Variants in MDFI observed in about 807,000 individuals in gnomAD.
The protein encoded by MDFI is MyoD family inhibitor.
Under a neutral mutation model 22.3 loss-of-function variants are expected in MDFI, and 16 were observed. The observed-to-expected ratio is 0.72, with a 90% confidence interval of 0.49 to 1.09. The LOEUF (loss-of-function observed/expected upper bound fraction) is 1.09, where lower values mean the gene tolerates loss of function less well. Ranked by LOEUF, MDFI falls within the 50% of genes least tolerant of loss-of-function variation. The pLI, the probability that MDFI is intolerant of heterozygous loss-of-function variation, is 0.00. For synonymous variants in MDFI, 145 were observed against 142.7 expected (o/e 1.02, Z -0.12); for missense variants, 314 against 326.1 (o/e 0.96, Z 0.29).
rs1054141094 is a variant in MDFI at position 41,653,119 on chromosome 6, G to A, written c.485-200G>A. Among the ~76,000 whole-genome samples the A allele has an allele frequency of 1.3e-5, 2 of 152,174 alleles. No homozygotes were observed. Among genetic ancestry groups the A allele is most frequent in the Non-Finnish European group, 2.9e-5 (2 of 68,022 alleles). The stretch of plus-strand genomic sequence containing the variant: ...AAGGATGATCCAGACTGCCCGCTCC[G>A]ATGTGCTTAACTGTCTGTGCCTCGG... On this transcript the variant is annotated intron_variant, in intron 4 of 4. Coordinates refer to ENST00000230321, the MANE Select transcript of MDFI (RefSeq NM_005586.4). This position sits in a 1 kb window ranked among gnomAD's most constrained non-coding sequence, Gnocchi z 4.2.
chr6:41,651,392 G>A (rs1396799888), intron 4 of MDFI, among the ~76,000 whole-genome samples: 2 of 149,052 alleles, frequency 1.3e-5, no homozygotes, highest in Non-Finnish European at 3.0e-5. Flanking sequence ...AGGCTTGGAG[G>A]TGATGTCTGA....
chr6:41,640,643 A>G (rs1767819593), intron 2 of MDFI, among the ~76,000 whole-genome samples: 1 of 152,224 alleles, frequency 6.6e-6, no homozygotes, highest in Non-Finnish European at 1.5e-5. Context: ...CTGAGTGCTG[A>G]CAGAACAGCA....
chr6:41,653,381 G>A lies in MDFI; in HGVS notation c.547G>A (p.Val183Ile), dbSNP rs1768355264. 2 of 1,611,806 alleles carry A rather than the reference G, an allele frequency of 1.2e-6. No homozygotes were observed. Among genetic ancestry groups the A allele is most frequent in the Non-Finnish European group, 1.7e-6 (2 of 1,180,012 alleles). ...CGAGTTCCTGACGCTGTGCAACATC[G>A]TCCTGGACTGCGCCACCTGTGGCTC... ...FCEFLTLCNI[V>I]LDCATCGSCS... Residue 183 changes from valine (V) to isoleucine (I), a missense_variant, in exon 5 of 5, where the codon GTC becomes ATC. Coordinates refer to ENST00000230321, the MANE Select transcript of MDFI (RefSeq NM_005586.4). The surrounding 1 kb of genome is among the most constrained non-coding windows in gnomAD (Gnocchi z 4.2).
chr6:41,637,901 G>A (rs1171302245), upstream of MDFI, among the ~76,000 whole-genome samples: 1 of 152,206 alleles, frequency 6.6e-6, no homozygotes, highest in African/African-American at 2.4e-5. The surrounding 1 kb of genome is among the most constrained non-coding windows in gnomAD (Gnocchi z 6.8). Flanking sequence ...CACAGGGCAG[G>A]CTGGTTGGTC....
At position 41,638,821 on chromosome 6, in the gene MDFI, C is replaced by A; in HGVS notation, c.72C>A (p.Gly24=). ...APYGAPSAAP[G]PAQTLSLLPG... ...ATGGAGCCCCCAGCGCAGCCCCGGG[C>A]CCAGGTAGGACCGGGAGTGGCGAGC... Residue 24 remains glycine (G), a synonymous_variant, in exon 2 of 5, where the codon GGC becomes GGA. Coordinates refer to ENST00000230321, the MANE Select transcript of MDFI (RefSeq NM_005586.4). This position sits in a 1 kb window ranked among gnomAD's most constrained non-coding sequence, Gnocchi z 7.6. 6.4e-7 allele frequency: 1 copy of A among 1,556,416 alleles called. No individual in the cohort carries two copies.
At chr6:41,652,341 AG>A (rs1360672106) in intron 4 of MDFI, among the ~76,000 whole-genome samples, 1 of 152,220 alleles carries the variant, frequency 6.6e-6, no homozygotes, top group Non-Finnish European at 1.5e-5. Context: ...AAGAGGGCAC[AG>A]GGACCACACT....
intron 4 of MDFI, among the ~76,000 whole-genome samples, chr6:41,652,357 G>A (rs2746186): frequency 0.77 from 117,253 of 152,132 alleles, 45,476 homozygotes; most frequent in East Asian, 0.93. Flanking sequence ...CACACTACAG[G>A]GGGCCTCAGA....
chr6:41,639,480 G>A, intron 2 of MDFI: 3 of 985,434 alleles, frequency 3.0e-6, no homozygotes, highest in Non-Finnish European at 3.6e-6. Flanking sequence ...ATTCCTGGGG[G>A]AGCCTCTCAC....
At chr6:41,643,979 G>A (rs1472743688) in intron 2 of MDFI, among the ~76,000 whole-genome samples, 3 of 152,090 alleles carry the variant, frequency 2.0e-5, no homozygotes, top group Non-Finnish European at 2.9e-5. Flanking sequence ...ATAGCAAGGT[G>A]CCTCTGGGGG....
At chr6:41,642,247 G>A (rs1767877777) in intron 2 of MDFI, among the ~76,000 whole-genome samples, 1 of 152,120 alleles carries the variant, frequency 6.6e-6, no homozygotes, top group Non-Finnish European at 1.5e-5. Context: ...TACTAGGAGG[G>A]CAAGGACTTC....
chr6:41,648,193 C>T (rs1228711678), intron 3 of MDFI, among the ~76,000 whole-genome samples: 1 of 152,136 alleles, frequency 6.6e-6, no homozygotes, highest in African/African-American at 2.4e-5. Context: ...TGCCCCCATG[C>T]TGGCCTCTGC....
intron 2 of MDFI, chr6:41,639,482 G>T (rs1767769734): frequency 1.0e-6 from 1 of 985,314 alleles, no homozygotes; most frequent in Admixed American, 6.1e-5. Flanking sequence ...TCCTGGGGGA[G>T]CCTCTCACGC....
In MDFI at chr6:41,638,706, C is replaced by A; in HGVS notation, c.-11-33C>A. The A allele has an allele frequency of 6.5e-7, 1 of 1,539,116 alleles. No homozygotes were observed. Among genetic ancestry groups the A allele is most frequent in the South Asian group, 1.2e-5 (1 of 84,008 alleles). On this transcript the variant is annotated intron_variant, in intron 1 of 4. Transcript: ENST00000230321. The surrounding 1 kb of genome is among the most constrained non-coding windows in gnomAD (Gnocchi z 7.6). ...CGGGGGAATCGCCCCTTGCCCGCCT[C>A]CGGCGCCGCCCGCTGAGCCCTGTTT... is the stretch of plus-strand genomic sequence containing the variant.
At chr6:41,645,895 G>A (rs72863072) in intron 2 of MDFI, among the ~76,000 whole-genome samples, 2,665 of 152,170 alleles carry the variant, frequency 0.018, 41 homozygotes, top group Non-Finnish European at 0.028. Flanking sequence ...ACATGCACAC[G>A]TGCACACACT....
In MDFI at chr6:41,638,600, G is replaced by A. The variant is rs1767719370; in HGVS notation, c.-64G>A. 1 of 933,022 alleles carries A rather than the reference G, an allele frequency of 1.1e-6. No homozygotes were observed. Among genetic ancestry groups the A allele is most frequent in the Non-Finnish European group, 1.5e-6 (1 of 649,734 alleles). The allele number at this position is 933,022 out of a possible 1,614,324, so 57.8% of individuals were successfully genotyped here. On this transcript the variant is annotated 5_prime_UTR_variant, in exon 1 of 5. Transcript: ENST00000230321. This position sits in a 1 kb window ranked among gnomAD's most constrained non-coding sequence, Gnocchi z 7.6. ...GGGGCGCCCGGAGCAGGCGCGCATG[G>A]CGGGCCCCGCGCGGGGATCCGGCTG...
chr6:41,653,173 G>A lies in MDFI; in HGVS notation c.485-146G>A, dbSNP rs1246724235. 1 of 795,504 alleles carries A rather than the reference G, an allele frequency of 1.3e-6. No homozygotes were observed. Among genetic ancestry groups the A allele is most frequent in the Non-Finnish European group, 2.0e-6 (1 of 488,804 alleles). 49.3% of individuals were successfully genotyped at this position (795,504 alleles called of 1,614,324 possible). ...CATCACCTAGAAAATGGAGCTGTGG[G>A]GACGGATTCGTGAGCTTCAGGCACA... On this transcript the variant is annotated intron_variant, in intron 4 of 4. Coordinates refer to ENST00000230321, the MANE Select transcript of MDFI (RefSeq NM_005586.4). This position sits in a 1 kb window ranked among gnomAD's most constrained non-coding sequence, Gnocchi z 4.2.
At position 41,646,247 on chromosome 6, in the gene MDFI, C is replaced by T. The variant is rs749354077; in HGVS notation, c.198C>T (p.Gly66=). ...EAATPMPQGN[G]PGIPQGLDST... The stretch of plus-strand genomic sequence containing the variant: ...CAACCCCCATGCCCCAAGGCAATGG[C>T]CCTGGCATCCCCCAGGGCCTGGACA... Residue 66 remains glycine (G), a synonymous_variant, in exon 3 of 5, where the codon GGC becomes GGT. Coordinates refer to ENST00000230321, the MANE Select transcript of MDFI (RefSeq NM_005586.4). 3.2e-6 allele frequency: 5 copies of T among 1,577,266 alleles called. No individual in the cohort carries two copies. In the African/African-American group the frequency reaches 5.5e-5, roughly 17 times the overall value.
chr6:41,652,536 T>C (rs1768308872), intron 4 of MDFI, among the ~76,000 whole-genome samples: 1 of 151,402 alleles, frequency 6.6e-6, no homozygotes, highest in South Asian at 2.1e-4. Flanking sequence ...GTAAGCAGGC[T>C]GTCGAAGGTG....
chr6:41,653,183 G>A lies in MDFI; in HGVS notation c.485-136G>A, dbSNP rs562323656. ...AAAATGGAGCTGTGGGGACGGATTCGTGAGCTTCAGGCACACAGTGAACAC... is the reference window on the plus strand; with the variant it reads ...AAAATGGAGCTGTGGGGACGGATTCATGAGCTTCAGGCACACAGTGAACAC... On this transcript the variant is annotated intron_variant, in intron 4 of 4. Coordinates refer to ENST00000230321, the MANE Select transcript of MDFI (RefSeq NM_005586.4). This position sits in a 1 kb window ranked among gnomAD's most constrained non-coding sequence, Gnocchi z 4.2. 28 of 881,274 alleles carry A rather than the reference G, an allele frequency of 3.2e-5. No individual in the cohort carries two copies. Among genetic ancestry groups the A allele is most frequent in the South Asian group, 2.2e-4 (14 of 64,008 alleles). The allele number at this position is 881,274 out of a possible 1,614,324, so 54.6% of individuals were successfully genotyped here.
Sources: allele counts gnomAD v4.1 joint callset (sites outside exome capture counted in the v4.1 genomes callset), GRCh38; gene constraint gnomAD v4.1.1; non-coding constraint Gnocchi (gnomAD v3.1); transcripts MANE v1.5; gene names NCBI Gene and HGNC (gene_info 2026-07-23, HGNC 2026-07-21).